The following TESC variants were observed in gnomAD, a reference collection of about 807,000 sequenced individuals.
TESC encodes the protein tescalcin.
A neutral mutation model predicts 31.0 loss-of-function variants in TESC; 19 were observed. That is an observed-to-expected ratio of 0.61 (90% CI 0.43 to 0.90). TESC has a LOEUF of 0.90. TESC is among the 40% of genes least tolerant of loss of function. The pLI is 0.00. For missense variants in TESC, 248 were observed against 303.8 expected (o/e 0.82, Z 1.36); for synonymous variants, 109 against 114.8 (o/e 0.95, Z 0.32).
intron 1 of TESC, among the ~76,000 whole-genome samples, chr12:117,076,530 T>G (rs1955076574): frequency 6.6e-6 from 1 of 151,918 alleles, no homozygotes; most frequent in African/African-American, 2.4e-5. Flanking sequence ...TTGCCACCTC[T>G]GCCTCCGTGT....
chr12:117,082,691 C>T (rs933708745), intron 1 of TESC, among the ~76,000 whole-genome samples: 6 of 151,876 alleles, frequency 4.0e-5, no homozygotes, highest in Non-Finnish European at 8.8e-5. Context: ...CTCATTTACA[C>T]GTGAAAGTTC....
chr12:117,049,903 GAAA>G (rs66797686), intron 3 of TESC, among the ~76,000 whole-genome samples: 3,461 of 86,428 alleles, frequency 0.04, 95 homozygotes, highest in South Asian at 0.15. Context: ...CCTGTCTCAA[GAAA>G]AAAAAAAAAA....
At position 117,090,466 on chromosome 12, in the gene TESC, T is replaced by C. The variant is rs531398681; in HGVS notation, c.58+8759A>G. Among the ~76,000 whole-genome samples the C allele has an allele frequency of 2.6e-5, 4 of 152,382 alleles. No individual in the cohort carries two copies. In the East Asian group the frequency reaches 5.8e-4, roughly 22 times the overall value. ...AAGTGTTCCCAGTTGAAATGATTAG[T>C]AACTGCCAGTAACTCTCAAGCACTG... On this transcript the variant is annotated intron_variant, in intron 1 of 7. Coordinates refer to ENST00000335209, the MANE Select transcript of TESC (RefSeq NM_017899.4).
At chr12:117,063,804 C>G (rs1295343809) in intron 2 of TESC, among the ~76,000 whole-genome samples, 1 of 152,168 alleles carries the variant, frequency 6.6e-6, no homozygotes, top group Non-Finnish European at 1.5e-5. Flanking sequence ...GAAGCTGAGG[C>G]CCCATGGAGA....
chr12:117,069,913 C>T (rs1954941546), intron 2 of TESC, among the ~76,000 whole-genome samples: 1 of 152,216 alleles, frequency 6.6e-6, no homozygotes, highest in Non-Finnish European at 1.5e-5. Context: ...CTTCACGAGC[C>T]TCCTGTGGGA....
chr12:117,067,195 TA>T (rs1368816431), intron 2 of TESC, among the ~76,000 whole-genome samples: 1 of 152,074 alleles, frequency 6.6e-6, no homozygotes, highest in Non-Finnish European at 1.5e-5. Context: ...TGGAATATAT[TA>T]AATTCTGATG....
chr12:117,075,928 T>TAC (rs1730363330), intron 1 of TESC, among the ~76,000 whole-genome samples: 2 of 113,216 alleles, frequency 1.8e-5, no homozygotes, highest in African/African-American at 4.1e-5. Context: ...TGTGTGTATA[T>TAC]ATATATATAT....
intron 1 of TESC, among the ~76,000 whole-genome samples, chr12:117,091,873 A>G (rs1467121538): frequency 6.6e-6 from 1 of 152,174 alleles, no homozygotes; most frequent in African/African-American, 2.4e-5. Context: ...GGGTAACAGC[A>G]TGGCCTCCCC....
chr12:117,088,433 C>T (rs910070773), intron 1 of TESC, among the ~76,000 whole-genome samples: 9 of 152,276 alleles, frequency 5.9e-5, no homozygotes, highest in East Asian at 1.9e-4. Context: ...GTAATCCCAG[C>T]GCTTTGGGAG....
At chr12:117,088,573 C>T (rs959977988) in intron 1 of TESC, among the ~76,000 whole-genome samples, 3 of 151,706 alleles carry the variant, frequency 2.0e-5, no homozygotes, top group African/African-American at 7.3e-5. Context: ...CCCAGCTACT[C>T]AGGAGGCTGA....
Position 117,099,363 on chromosome 12 carries a change from C to G in TESC, c.-81G>C, listed in dbSNP as rs980568374. The G allele has an allele frequency of 1.5e-5, 20 of 1,298,818 alleles. No homozygotes were observed. Among genetic ancestry groups the G allele is most frequent in the Non-Finnish European group, 1.9e-5 (19 of 1,017,280 alleles). The allele number at this position is 1,298,818 out of a possible 1,614,324, so 80.5% of individuals were successfully genotyped here. A position where few individuals can be genotyped will look rare whatever the true frequency, so the allele number is the denominator to read the frequency against. On this transcript the variant is annotated 5_prime_UTR_variant, in exon 1 of 8. Coordinates refer to ENST00000335209, the MANE Select transcript of TESC (RefSeq NM_017899.4). ...TCGGCTGCGCAGCGGCGGGACTGGC[C>G]TCGGGTCCGGCCTCGGGTCGGGACG...
chr12:117,064,299 A>T (rs1295196333), intron 2 of TESC, among the ~76,000 whole-genome samples: 2 of 152,236 alleles, frequency 1.3e-5, no homozygotes, highest in Non-Finnish European at 2.9e-5. Context: ...GGAATTGTGC[A>T]AATGTGCTAG....
At chr12:117,063,542 G>A (rs1236850816) in intron 2 of TESC, among the ~76,000 whole-genome samples, 1 of 152,138 alleles carries the variant, frequency 6.6e-6, no homozygotes, top group Non-Finnish European at 1.5e-5. Context: ...TAGGGGTACT[G>A]AGCATGGAGC....
intron 1 of TESC, among the ~76,000 whole-genome samples, chr12:117,087,371 T>C (rs1366186144): frequency 6.6e-6 from 1 of 152,182 alleles, no homozygotes; most frequent in Non-Finnish European, 1.5e-5. Flanking sequence ...AAGGAATTCC[T>C]GGTAAGAGCT....
At chr12:117,084,351 A>C (rs141452640) in intron 1 of TESC, among the ~76,000 whole-genome samples, 2 of 152,312 alleles carry the variant, frequency 1.3e-5, no homozygotes, top group Non-Finnish European at 2.9e-5. Context: ...GGGCCCGTGC[A>C]GGCATGAACT....
intron 3 of TESC, among the ~76,000 whole-genome samples, chr12:117,050,253 C>T (rs1385815336): frequency 6.6e-6 from 1 of 152,160 alleles, no homozygotes; most frequent in Non-Finnish European, 1.5e-5. Flanking sequence ...TTCATTTATG[C>T]TTGTCTGCAG....
At chr12:117,093,847 G>A (rs992984429) in intron 1 of TESC, among the ~76,000 whole-genome samples, 6 of 151,362 alleles carry the variant, frequency 4.0e-5, no homozygotes, top group Non-Finnish European at 8.8e-5. Flanking sequence ...TGCCTGAAGA[G>A]CTGTTTTGGA....
chr12:117,070,782 G>A (rs1954959601), intron 2 of TESC, among the ~76,000 whole-genome samples: 1 of 152,010 alleles, frequency 6.6e-6, no homozygotes, highest in South Asian at 2.1e-4. Flanking sequence ...GTCAGCCTGG[G>A]CGACATGGTA....
intron 7 of TESC, among the ~76,000 whole-genome samples, chr12:117,041,489 C>T (rs1172782252): frequency 6.6e-6 from 1 of 152,122 alleles, no homozygotes; most frequent in Non-Finnish European, 1.5e-5. Context: ...CCTGCCACCA[C>T]GCTTGGCTAA....
Sources: allele counts gnomAD v4.1 joint callset (sites outside exome capture counted in the v4.1 genomes callset), GRCh38; gene constraint gnomAD v4.1.1; transcripts MANE v1.5; gene names NCBI Gene and HGNC (gene_info 2026-07-23, HGNC 2026-07-21).